The following RNGTT variants were observed in gnomAD, a reference collection of about 807,000 sequenced individuals.
The protein encoded by RNGTT is mRNA-capping enzyme.
In RNGTT, 33 loss-of-function variants were observed where a neutral mutation model predicts 79.3. That is an observed-to-expected ratio of 0.42 (90% CI 0.32 to 0.56). RNGTT has a LOEUF of 0.56. Ranked by LOEUF, RNGTT falls within the 20% of genes least tolerant of loss-of-function variation. RNGTT has a pLI of 0.17. For missense variants in RNGTT, 497 were observed against 739.1 expected (o/e 0.67, Z 3.80); for synonymous variants, 222 against 235.9 (o/e 0.94, Z 0.54).
chr6:88,884,649 T>A (rs897756733), intron 8 of RNGTT, among the ~76,000 whole-genome samples: 1 of 152,042 alleles, frequency 6.6e-6, no homozygotes, highest in African/African-American at 2.4e-5. Context: ...AATGAAAAAT[T>A]AAAATCAACA....
At chr6:88,803,865 A>T (rs1451387585) in intron 11 of RNGTT, among the ~76,000 whole-genome samples, 1 of 152,154 alleles carries the variant, frequency 6.6e-6, no homozygotes, top group Non-Finnish European at 1.5e-5. Context: ...ACATAACATG[A>T]TTCTACCTGC....
intron 14 of RNGTT, among the ~76,000 whole-genome samples, chr6:88,632,639 T>C (rs1430264417): frequency 6.6e-6 from 1 of 151,862 alleles, no homozygotes; most frequent in African/African-American, 2.4e-5. Context: ...TCTACTTTAT[T>C]TCATTAAAAC....
intron 10 of RNGTT, among the ~76,000 whole-genome samples, chr6:88,847,110 T>C (rs1170563731): frequency 6.6e-6 from 1 of 152,154 alleles, no homozygotes; most frequent in Admixed American, 6.5e-5. Context: ...CTGTAAAATA[T>C]TACAAAATGT....
At chr6:88,789,245 C>A (rs979484567) in intron 12 of RNGTT, among the ~76,000 whole-genome samples, 6 of 152,072 alleles carry the variant, frequency 3.9e-5, no homozygotes, top group Admixed American at 3.3e-4. Flanking sequence ...CATGGGGAAA[C>A]CCCATCGCTA....
intron 14 of RNGTT, among the ~76,000 whole-genome samples, chr6:88,667,525 G>A (rs112691081): frequency 0.012 from 1,901 of 152,278 alleles, 44 homozygotes; most frequent in African/African-American, 0.044. Context: ...AGACTTCACC[G>A]AGATGCCCAA....
intron 14 of RNGTT, among the ~76,000 whole-genome samples, chr6:88,628,428 T>C (rs1440672245): frequency 6.6e-6 from 1 of 152,130 alleles, no homozygotes; most frequent in Non-Finnish European, 1.5e-5. Context: ...TCCCCAATTA[T>C]CTGTATTAAT....
intron 1 of RNGTT, among the ~76,000 whole-genome samples, chr6:88,949,159 G>GAAAAAAAAAAAAAAAAAAAGA (rs1785149600): frequency 2.8e-4 from 14 of 50,508 alleles, no homozygotes; most frequent in South Asian, 6.2e-4. Flanking sequence ...AAAATAAAAT[G>GAAAAAAAAAAAAAAAAAAAGA]AAAAAAAAAA....
At chr6:88,819,057 C>A (rs913530399) in intron 11 of RNGTT, among the ~76,000 whole-genome samples, 4 of 151,952 alleles carry the variant, frequency 2.6e-5, no homozygotes, top group African/African-American at 4.8e-5. Flanking sequence ...CAATAAACAG[C>A]AAATTATTAG....
chr6:88,845,148 C>T (rs1026243738), intron 10 of RNGTT, among the ~76,000 whole-genome samples: 1 of 151,370 alleles, frequency 6.6e-6, no homozygotes, highest in African/African-American at 2.5e-5. Flanking sequence ...GAGTAACACA[C>T]CAAAATAGGT....
At chr6:88,945,896 T>A (rs190764857) in intron 1 of RNGTT, among the ~76,000 whole-genome samples, 6 of 152,142 alleles carry the variant, frequency 3.9e-5, no homozygotes, top group African/African-American at 1.4e-4. Context: ...GATGACAGCA[T>A]CAAAGATGGA....
At chr6:88,637,940 A>G (rs1372062586) in intron 14 of RNGTT, among the ~76,000 whole-genome samples, 3 of 152,136 alleles carry the variant, frequency 2.0e-5, no homozygotes, top group Admixed American at 2.0e-4. Context: ...GCCAAGGCAT[A>G]CCCACTACTA....
chr6:88,642,810 C>T (rs1290976528), intron 14 of RNGTT, among the ~76,000 whole-genome samples: 1 of 152,140 alleles, frequency 6.6e-6, no homozygotes, highest in Non-Finnish European at 1.5e-5. Context: ...ATAATATGTG[C>T]TCAATAAAAA....
chr6:88,926,926 C>A (rs1471079425), intron 4 of RNGTT, among the ~76,000 whole-genome samples: 1 of 152,132 alleles, frequency 6.6e-6, no homozygotes, highest in Non-Finnish European at 1.5e-5. Context: ...CTAATTATTG[C>A]TTGTTTCCAG....
chr6:88,945,646 G>A (rs748285601), intron 1 of RNGTT, among the ~76,000 whole-genome samples: 2 of 152,100 alleles, frequency 1.3e-5, no homozygotes, highest in African/African-American at 4.8e-5. Context: ...TATTGCCATG[G>A]TAGAAATGAC....
chr6:88,760,483 T>C (rs1778176749), intron 13 of RNGTT, among the ~76,000 whole-genome samples: 1 of 152,150 alleles, frequency 6.6e-6, no homozygotes, highest in Non-Finnish European at 1.5e-5. Context: ...GTGATGAGAA[T>C]ATTTTCAAAT....
chr6:88,744,997 T>A (rs894483765), intron 13 of RNGTT, among the ~76,000 whole-genome samples: 2 of 152,172 alleles, frequency 1.3e-5, no homozygotes, highest in Non-Finnish European at 2.9e-5. Flanking sequence ...AAACAAAGTA[T>A]TTTTCCTGGA....
At chr6:88,807,627 A>G (rs1780001353) in intron 11 of RNGTT, among the ~76,000 whole-genome samples, 1 of 152,216 alleles carries the variant, frequency 6.6e-6, no homozygotes, top group South Asian at 2.1e-4. Flanking sequence ...GAAAACAAAA[A>G]GAAAGATACA....
At chr6:88,841,857 C>T (rs186684156) in intron 11 of RNGTT, among the ~76,000 whole-genome samples, 75 of 152,352 alleles carry the variant, frequency 4.9e-4, no homozygotes, top group Non-Finnish European at 8.4e-4. Flanking sequence ...AGCTGGCCTT[C>T]TTCTGAATGC....
chr6:88,631,168 A>C (rs1399598621), intron 14 of RNGTT, among the ~76,000 whole-genome samples: 1 of 152,188 alleles, frequency 6.6e-6, no homozygotes, highest in Non-Finnish European at 1.5e-5. Context: ...TGTGCCTCAT[A>C]ACATTAAGAA....
Sources: gnomAD v4.1 joint callset for allele counts (sites outside exome capture counted in the v4.1 genomes callset) on GRCh38, gnomAD v4.1.1 for gene constraint, MANE v1.5 for transcripts, NCBI Gene and HGNC (gene_info 2026-07-23, HGNC 2026-07-21) for gene names.